Variants in UVRAG observed in about 807,000 individuals in gnomAD.
UVRAG encodes the protein UV radiation resistance-associated gene protein.
A neutral mutation model predicts 78.0 loss-of-function variants in UVRAG; 19 were observed. That is an observed-to-expected ratio of 0.24 (90% CI 0.17 to 0.36). The LOEUF is 0.36. UVRAG is among the 10% of genes least tolerant of loss of function. The pLI, the probability that UVRAG is intolerant of heterozygous loss-of-function variation, is 1.00. For synonymous variants in UVRAG, 323 were observed against 324.6 expected (o/e 1.00, Z 0.05); for missense variants, 740 against 853.8 (o/e 0.87, Z 1.66).
rs59607906 is a variant in UVRAG at position 75,949,714 on chromosome 11, T to TATAC, written c.594-11729_594-11728insTACA. Among the ~76,000 whole-genome samples the TATAC allele has an allele frequency of 6.3e-3, 864 of 136,848 alleles. 4 individuals carry two copies. The highest frequency in any genetic ancestry group is 0.017 in the African/African-American group (596 of 34,530). 89.8% of individuals were successfully genotyped at this position (136,848 alleles called of 152,430 possible). On this transcript the variant is annotated intron_variant, in intron 6 of 14. Coordinates refer to ENST00000356136, the MANE Select transcript of UVRAG (RefSeq NM_003369.4). ...ATACATATATATATATATATATATATACACACACACACACACATATACACA... is the reference window on the plus strand; with the variant it reads ...ATACATATATATATATATATATATATATACACACACACACACACACATATACACA...
intron 12 of UVRAG, among the ~76,000 whole-genome samples, chr11:76,047,165 C>T (rs1950773949): frequency 6.6e-6 from 1 of 152,130 alleles, no homozygotes; most frequent in Admixed American, 6.5e-5. Flanking sequence ...TGAATAAATA[C>T]TGATATCTCA....
chr11:75,967,544 A>C (rs1472215738), intron 7 of UVRAG, among the ~76,000 whole-genome samples: 2 of 152,302 alleles, frequency 1.3e-5, no homozygotes, highest in East Asian at 3.9e-4. Context: ...ACAGGTGAAG[A>C]TAAAATATAC....
At position 75,856,115 on chromosome 11, in the gene UVRAG, G is replaced by A. The variant is rs531436582; in HGVS notation, c.235+4115G>A. On this transcript the variant is annotated intron_variant, in intron 2 of 14. Transcript: ENST00000356136. ...GACCATTCTCCTGCCTCACCCTCCC[G>A]AGTAGCTGGGACTACAGGCATCCGC... 5.3e-5 allele frequency among the ~76,000 whole-genome samples: 8 copies of A among 152,078 alleles called. No homozygotes were observed. The South Asian group carries it at 1.2e-3, about 24-fold the overall frequency.
chr11:76,036,626 G>A (rs1950540029), intron 12 of UVRAG, among the ~76,000 whole-genome samples: 2 of 152,078 alleles, frequency 1.3e-5, no homozygotes, highest in South Asian at 4.1e-4. Flanking sequence ...AGAAGTTATG[G>A]GACATGGAAA....
intron 7 of UVRAG, among the ~76,000 whole-genome samples, chr11:75,966,763 G>A (rs1949032104): frequency 6.6e-6 from 1 of 152,138 alleles, no homozygotes; most frequent in Non-Finnish European, 1.5e-5. Flanking sequence ...ATTTTAGCAG[G>A]TAGTTAACTT....
chr11:75,966,930 G>A (rs913522545), intron 7 of UVRAG, among the ~76,000 whole-genome samples: 2 of 152,168 alleles, frequency 1.3e-5, no homozygotes, highest in African/African-American at 4.8e-5. Context: ...AATTTGGGGT[G>A]CCCATTCTCT....
At chr11:75,840,953 C>T (rs779936333) in intron 1 of UVRAG, among the ~76,000 whole-genome samples, 2 of 152,090 alleles carry the variant, frequency 1.3e-5, no homozygotes, top group Non-Finnish European at 2.9e-5. Flanking sequence ...TTGAATTTAT[C>T]AAGCTTAAAT....
intron 12 of UVRAG, among the ~76,000 whole-genome samples, chr11:76,048,983 G>A (rs1235993570): frequency 1.3e-5 from 2 of 152,258 alleles, no homozygotes; most frequent in African/African-American, 4.8e-5. Context: ...GACTCAGCGG[G>A]ATTGGGGCGC....
In UVRAG at chr11:76,088,898, A is replaced by T. The variant is rs538092456; in HGVS notation, c.1305+23110A>T. On this transcript the variant is annotated intron_variant, in intron 13 of 14. Transcript: ENST00000356136. ...TCTTACATTTCTGTTGTTATTTTGCATGTATGTCTCCCCTACTAAATTAAT... is the reference window on the plus strand; with the variant it reads ...TCTTACATTTCTGTTGTTATTTTGCTTGTATGTCTCCCCTACTAAATTAAT... Among the ~76,000 whole-genome samples, 27 of 152,298 alleles carry T rather than the reference A, an allele frequency of 1.8e-4. No individual in the cohort carries two copies. The South Asian group carries it at 5.2e-3, about 29-fold the overall frequency.
chr11:76,062,367 T>G (rs1951110390), intron 12 of UVRAG, among the ~76,000 whole-genome samples: 1 of 152,214 alleles, frequency 6.6e-6, no homozygotes. Context: ...GTGCATTGTT[T>G]GTGTTTGTCG....
intron 6 of UVRAG, among the ~76,000 whole-genome samples, chr11:75,946,125 G>A (rs773663704): frequency 2.6e-5 from 4 of 152,070 alleles, no homozygotes; most frequent in Non-Finnish European, 4.4e-5. Context: ...TTCAATAAAT[G>A]TTTATTGCAT....
chr11:76,091,881 A>G (rs935513506), intron 13 of UVRAG, among the ~76,000 whole-genome samples: 4 of 152,020 alleles, frequency 2.6e-5, no homozygotes, highest in African/African-American at 7.2e-5. Flanking sequence ...CATGTCCACA[A>G]CGTGCAGGTT....
intron 11 of UVRAG, among the ~76,000 whole-genome samples, chr11:76,015,837 T>A (rs1249080164): frequency 6.6e-6 from 1 of 152,192 alleles, no homozygotes; most frequent in Non-Finnish European, 1.5e-5. Flanking sequence ...AGTCAAGGCA[T>A]GGTCATTGTG....
intron 1 of UVRAG, among the ~76,000 whole-genome samples, chr11:75,839,600 A>G (rs1178174723): frequency 1.3e-5 from 2 of 151,882 alleles, no homozygotes; most frequent in Non-Finnish European, 2.9e-5. Flanking sequence ...ATCCCTAACC[A>G]CATCCATTAT....
intron 6 of UVRAG, among the ~76,000 whole-genome samples, chr11:75,948,432 C>A (rs1414535578): frequency 1.3e-5 from 2 of 152,022 alleles, no homozygotes; most frequent in African/African-American, 4.8e-5. Context: ...AAAGAAGAAT[C>A]AATAGGTTTA....
chr11:75,935,537 G>A (rs1387800547), intron 6 of UVRAG, among the ~76,000 whole-genome samples: 1 of 152,014 alleles, frequency 6.6e-6, no homozygotes, highest in Non-Finnish European at 1.5e-5. Flanking sequence ...TTAAAAGATT[G>A]GACAGGCTGC....
chr11:75,822,479 C>T (rs1945415119), intron 1 of UVRAG, among the ~76,000 whole-genome samples: 1 of 152,130 alleles, frequency 6.6e-6, no homozygotes, highest in African/African-American at 2.4e-5. Flanking sequence ...GTATCATATT[C>T]CACAAGTTAA....
intron 6 of UVRAG, among the ~76,000 whole-genome samples, chr11:75,950,962 G>GTA (rs1297221891): frequency 7.9e-6 from 1 of 125,974 alleles, no homozygotes; most frequent in Non-Finnish European, 1.6e-5. Context: ...TTTGTCAGGT[G>GTA]TACACACACA....
chr11:75,937,614 G>A (rs968015453), intron 6 of UVRAG, among the ~76,000 whole-genome samples: 3 of 152,184 alleles, frequency 2.0e-5, no homozygotes, highest in South Asian at 4.1e-4. Context: ...TGAGAAATCT[G>A]TCATTCTAGT....
Sources: gnomAD v4.1 joint callset for allele counts (sites outside exome capture counted in the v4.1 genomes callset) on GRCh38, gnomAD v4.1.1 for gene constraint, MANE v1.5 for transcripts, NCBI Gene and HGNC (gene_info 2026-07-23, HGNC 2026-07-21) for gene names.